The following ZNF131 variants were observed in gnomAD, a reference collection of about 807,000 sequenced individuals.
ZNF131 encodes zinc finger and BTB domain containing 35.
A neutral mutation model predicts 60.0 loss-of-function variants in ZNF131; 7 were observed. That is an observed-to-expected ratio of 0.12 (90% CI 0.07 to 0.22). The LOEUF (loss-of-function observed/expected upper bound fraction) is 0.22. ZNF131 is among the 10% of genes least tolerant of loss of function. The pLI is 1.00. For missense variants in ZNF131, 493 were observed against 740.9 expected (o/e 0.67, Z 3.88); for synonymous variants, 257 against 253.2 (o/e 1.01, Z -0.14).
Position 43,139,231 on chromosome 5 carries a change from G to A in ZNF131, c.293G>A (p.Gly98Glu). ...FTYTAKLMIQ[G>E]EEEANDVWKA... is the part of the protein sequence containing the mutation. ...TATACAGCAAAATTAATGATACAAG[G>A]AGAAGAAGAAGCCAATGATGTATGG... is the stretch of plus-strand genomic sequence containing the variant. The change falls in exon 4 of 7, where the codon GGA (glycine) becomes GAA (glutamate). Residue 98 changes from glycine to glutamate, a missense_variant. Around this residue, in one of 7 missense-constraint regions of ZNF131, gnomAD observed 66 missense variants for 148.0 expected, o/e 0.45. Transcript: ENST00000682664. 6.2e-7 allele frequency: 1 copy of A among 1,612,736 alleles called. No individual in the cohort carries two copies. The highest frequency in any genetic ancestry group is 8.5e-7 in the Non-Finnish European group (1 of 1,179,442).
rs143594187 is a variant in ZNF131 at position 43,152,389 on chromosome 5, A to C, written c.372-8860A>C. ...CTCATGGACTGATCTCAGCTATGAG[A>C]ATGGTAGTGGAGCATGGTGTTTTGC... On this transcript the variant is annotated intron_variant, in intron 4 of 6. Coordinates refer to ENST00000682664, the MANE Select transcript of ZNF131 (RefSeq NM_001330707.2). Among the ~76,000 whole-genome samples, 274 of 152,204 alleles carry C rather than the reference A, an allele frequency of 1.8e-3. 2 individuals carry two copies. Among genetic ancestry groups the C allele is most frequent in the African/African-American group, 6.3e-3 (262 of 41,502 alleles).
chr5:43,175,623 T>G lies in ZNF131; in HGVS notation c.*490T>G, dbSNP rs1035279221. 1.5e-5 allele frequency: 8 copies of G among 539,196 alleles called. No homozygotes were observed. In the African/African-American group the frequency reaches 1.6e-4, roughly 11 times the overall value. 33.4% of individuals were successfully genotyped at this position (539,196 alleles called of 1,614,324 possible). ...GTGCAGTTAAATTTTGGCTTCTGGC[T>G]TTCTTTAGTTTGAACAAACGTTCTT... On this transcript the variant is annotated 3_prime_UTR_variant, in exon 7 of 7. Coordinates refer to ENST00000682664, the MANE Select transcript of ZNF131 (RefSeq NM_001330707.2).
intron 1 of ZNF131, chr5:43,121,646 T>C (rs1743829786): frequency 6.7e-6 from 1 of 149,862 alleles, no homozygotes; most frequent in Non-Finnish European, 1.5e-5. Flanking sequence ...TCGTTGTGGG[T>C]CGCGGGCCGG....
chr5:43,162,072 A>G (rs1471536612), intron 5 of ZNF131, 141 bp downstream of exon 5: 5 of 796,414 alleles, frequency 6.3e-6, no homozygotes, highest in South Asian at 2.0e-5. Flanking sequence ...ACACGTTTTT[A>G]TAGTATTACC....
chr5:43,128,988 G>A (rs1252893230), intron 3 of ZNF131, among the ~76,000 whole-genome samples: 1 of 152,108 alleles, frequency 6.6e-6, no homozygotes, highest in Non-Finnish European at 1.5e-5. Context: ...TTGGGGTGCA[G>A]TGTGGTGTGA....
In ZNF131 at chr5:43,156,666, A is replaced by G. The variant is rs189533004; in HGVS notation, c.372-4583A>G. On this transcript the variant is annotated intron_variant, in intron 4 of 6. Coordinates refer to ENST00000682664, the MANE Select transcript of ZNF131 (RefSeq NM_001330707.2). ...TCCTTGATTCATTGGCTCCCTGCAT[A>G]TTACTTTGCATTTGGGGTTGTGAGG... Among the ~76,000 whole-genome samples the G allele has an allele frequency of 3.3e-5, 5 of 152,236 alleles. No homozygotes were observed. In the East Asian group the frequency reaches 7.7e-4, roughly 24 times the overall value.
At position 43,126,993 on chromosome 5, in the gene ZNF131, T is replaced by C. The variant is rs1001718; in HGVS notation, c.226+3683T>C. 5.3e-3 allele frequency among the ~76,000 whole-genome samples: 803 copies of C among 152,246 alleles called. 3 individuals are homozygous for C. Among genetic ancestry groups the C allele is most frequent in the African/African-American group, 0.019 (771 of 41,512 alleles). On this transcript the variant is annotated intron_variant, in intron 3 of 6. Transcript: ENST00000682664. ...CTGTCCTCAAGTCTAAGCTGACATA[T>C]GTGGGAGAAAAAAACCAGGAAACTC...
At chr5:43,155,001 C>T (rs1037644359) in intron 4 of ZNF131, among the ~76,000 whole-genome samples, 27 of 152,170 alleles carry the variant, frequency 1.8e-4, no homozygotes, top group Non-Finnish European at 1.0e-4. Flanking sequence ...GAGTTCTGCC[C>T]ACTGAGCAGA....
intron 5 of ZNF131, among the ~76,000 whole-genome samples, chr5:43,165,808 CCTAA>C (rs1443161991): frequency 6.6e-6 from 1 of 152,154 alleles, no homozygotes; most frequent in Non-Finnish European, 1.5e-5. Flanking sequence ...TTGACTTCTC[CCTAA>C]CTATGAAAGT....
intron 3 of ZNF131, among the ~76,000 whole-genome samples, chr5:43,132,949 A>T (rs1163470552): frequency 1.1e-4 from 17 of 152,216 alleles, no homozygotes; most frequent in Admixed American, 1.0e-3. Flanking sequence ...TGTGAATTGC[A>T]GTTTTACCTA....
At chr5:43,127,009 C>T (rs10473299) in intron 3 of ZNF131, among the ~76,000 whole-genome samples, 1,798 of 152,188 alleles carry the variant, frequency 0.012, 31 homozygotes, top group African/African-American at 0.041. Context: ...AGAAAAAAAC[C>T]AGGAAACTCA....
At chr5:43,173,855 G>C (rs933587296) in intron 6 of ZNF131, among the ~76,000 whole-genome samples, 1 of 152,098 alleles carries the variant, frequency 6.6e-6, no homozygotes, top group African/African-American at 2.4e-5. Context: ...TATGTTATGG[G>C]AGAAACTAAA....
intron 3 of ZNF131, among the ~76,000 whole-genome samples, chr5:43,127,689 A>G (rs977179468): frequency 3.3e-5 from 5 of 152,238 alleles, no homozygotes; most frequent in Admixed American, 2.0e-4. Flanking sequence ...GTTACCTTTG[A>G]TGAAAACCAC....
chr5:43,157,315 C>A (rs559310537), intron 4 of ZNF131, among the ~76,000 whole-genome samples: 1 of 152,186 alleles, frequency 6.6e-6, no homozygotes, highest in African/African-American at 2.4e-5. Context: ...CCATGTGAAC[C>A]GTCCAAAGCT....
chr5:43,175,603 G>T lies in ZNF131; in HGVS notation c.*470G>T. The T allele has an allele frequency of 3.8e-6, 2 of 529,034 alleles. No homozygotes were observed. Among genetic ancestry groups the T allele is most frequent in the Non-Finnish European group, 3.3e-6 (1 of 301,274 alleles). 32.8% of individuals were successfully genotyped at this position (529,034 alleles called of 1,614,324 possible). ...ATGAAAAGTGCATTGTTACTGTGCAGTTAAATTTTGGCTTCTGGCTTTCTT... is the reference window on the plus strand; with the variant it reads ...ATGAAAAGTGCATTGTTACTGTGCATTTAAATTTTGGCTTCTGGCTTTCTT... On this transcript the variant is annotated 3_prime_UTR_variant, in exon 7 of 7. Coordinates refer to ENST00000682664, the MANE Select transcript of ZNF131 (RefSeq NM_001330707.2).
At chr5:43,133,078 A>G (rs1745570950) in intron 3 of ZNF131, among the ~76,000 whole-genome samples, 1 of 152,178 alleles carries the variant, frequency 6.6e-6, no homozygotes, top group African/African-American at 2.4e-5. Context: ...AACCAATAAT[A>G]TATAGCATTG....
chr5:43,140,757 C>T (rs1296837704), intron 4 of ZNF131, among the ~76,000 whole-genome samples: 1 of 152,152 alleles, frequency 6.6e-6, no homozygotes, highest in African/African-American at 2.4e-5. Context: ...TGCTCTGTCT[C>T]CCAGACTGGA....
At chr5:43,161,988 G>GT in intron 5 of ZNF131, 57 bp downstream of exon 5, 1 of 1,469,760 alleles carries the variant, frequency 6.8e-7, no homozygotes, top group Non-Finnish European at 9.1e-7. Flanking sequence ...TCAAATTTAA[G>GT]TATCTAAATC....
intron 5 of ZNF131, chr5:43,167,838 A>G: frequency 3.1e-6 from 1 of 319,588 alleles, no homozygotes; most frequent in South Asian, 2.6e-5. Context: ...TTGTGATGGA[A>G]GAGACAAAGG....
Sources: allele counts gnomAD v4.1 joint callset (sites outside exome capture counted in the v4.1 genomes callset), GRCh38; gene constraint gnomAD v4.1.1; regional missense constraint gnomAD v4.1.1; transcripts MANE v1.5; gene names NCBI Gene and HGNC (gene_info 2026-07-23, HGNC 2026-07-21).